Variants in SBF2 observed in about 807,000 individuals in gnomAD.
The protein encoded by SBF2 is SET binding factor 2.
Under a neutral mutation model 225.2 loss-of-function variants are expected in SBF2, and 112 were observed. That is an observed-to-expected ratio of 0.50 (90% CI 0.43 to 0.58). The LOEUF is 0.58. SBF2 is among the 20% of genes least tolerant of loss of function. SBF2 has a pLI of 0.00. For missense variants in SBF2, 1,996 were observed against 2,206.2 expected (o/e 0.90, Z 1.91); for synonymous variants, 763 against 773.3 (o/e 0.99, Z 0.22).
rs918092126 is a variant in SBF2, at chr11:10,119,934, T to G, written c.141+73968A>C. ...GGGCCTTAGAATCAATATTTTAAAT[T>G]TTCTAATTATGGTAAAAACATAAAA... On this transcript the variant is annotated intron_variant, in intron 2 of 39. Coordinates refer to ENST00000256190, the MANE Select transcript of SBF2 (RefSeq NM_030962.4). Among the ~76,000 whole-genome samples the G allele has an allele frequency of 6.6e-5, 10 of 152,306 alleles. No individual in the cohort carries two copies. The South Asian group carries it at 8.3e-4, about 13-fold the overall frequency.
intron 2 of SBF2, among the ~76,000 whole-genome samples, chr11:10,180,669 A>C (rs192004845): frequency 1.3e-5 from 2 of 152,056 alleles, no homozygotes; most frequent in African/African-American, 4.8e-5. Context: ...TTCTACCCCT[A>C]TCTCTCTCTA....
intron 16 of SBF2, among the ~76,000 whole-genome samples, chr11:9,936,192 T>A (rs1162081699): frequency 6.6e-6 from 1 of 152,136 alleles, no homozygotes; most frequent in East Asian, 1.9e-4. Context: ...GCCAACAGAC[T>A]TATGAAAGAA....
intron 2 of SBF2, among the ~76,000 whole-genome samples, chr11:10,084,705 G>T (rs1342040735): frequency 6.6e-6 from 1 of 152,146 alleles, no homozygotes; most frequent in African/African-American, 2.4e-5. Context: ...ACGGATGACT[G>T]GATAAAGAAA....
chr11:10,182,266 G>A (rs575260068), intron 2 of SBF2, among the ~76,000 whole-genome samples: 1 of 152,072 alleles, frequency 6.6e-6, no homozygotes, highest in African/African-American at 2.4e-5. Context: ...CATTCCTTAC[G>A]TACCTTTGAA....
intron 16 of SBF2, among the ~76,000 whole-genome samples, chr11:9,947,076 G>A (rs926206522): frequency 1.6e-4 from 24 of 152,104 alleles, no homozygotes; most frequent in Middle Eastern, 3.2e-3. Flanking sequence ...TTTTGCCAGC[G>A]GTTAATGAGA....
At chr11:9,906,299 A>G (rs571365311) in intron 16 of SBF2, among the ~76,000 whole-genome samples, 11 of 152,338 alleles carry the variant, frequency 7.2e-5, no homozygotes, top group South Asian at 6.2e-4. Context: ...GCAGGGCTTC[A>G]TTTGTAATGA....
chr11:10,293,866 C>T, intron 1 of SBF2, 149 bp downstream of exon 1: 1 of 487,052 alleles, frequency 2.1e-6, no homozygotes, highest in East Asian at 4.0e-5. Context: ...CTCAGCCCAG[C>T]CGAGAAGGCC....
chr11:9,983,881 A>C (rs1210995606), intron 13 of SBF2, among the ~76,000 whole-genome samples: 1 of 152,242 alleles, frequency 6.6e-6, no homozygotes, highest in Non-Finnish European at 1.5e-5. Flanking sequence ...AAAGAGGGAG[A>C]GTACTACACC....
chr11:10,232,924 T>C (rs941762673), intron 1 of SBF2, among the ~76,000 whole-genome samples: 1 of 152,206 alleles, frequency 6.6e-6, no homozygotes, highest in African/African-American at 2.4e-5. Context: ...TTATCTCTGA[T>C]AGGGAGTGAT....
chr11:10,038,924 A>G lies in SBF2; in HGVS notation c.279+3920T>C, dbSNP rs191434936. On this transcript the variant is annotated intron_variant, in intron 3 of 39. Transcript: ENST00000256190. ...TTAAGATAATCAAATGATTATTTAG[A>G]TAAGTAATAAAAGTCAATGTAAATC... Among the ~76,000 whole-genome samples the G allele has an allele frequency of 5.2e-3, 787 of 151,986 alleles. 8 individuals carry two copies. Among genetic ancestry groups the G allele is most frequent in the African/African-American group, 0.018 (751 of 41,552 alleles).
intron 13 of SBF2, among the ~76,000 whole-genome samples, chr11:9,975,233 T>G (rs1486205895): frequency 6.6e-6 from 1 of 152,186 alleles, no homozygotes; most frequent in Non-Finnish European, 1.5e-5. Flanking sequence ...GTGGTTTTAT[T>G]CATTATTGCT....
intron 1 of SBF2, among the ~76,000 whole-genome samples, chr11:10,217,974 A>G (rs1958192732): frequency 6.6e-6 from 1 of 151,896 alleles, no homozygotes; most frequent in South Asian, 2.1e-4. Context: ...ATCTCAGCTC[A>G]CTGCAACCCC....
intron 31 of SBF2, 45 bp downstream of exon 31, chr11:9,808,856 G>T: frequency 7.3e-7 from 1 of 1,363,234 alleles, no homozygotes; most frequent in Non-Finnish European, 1.0e-6. Flanking sequence ...ATGACCAAAT[G>T]GAAATATAAA....
intron 2 of SBF2, among the ~76,000 whole-genome samples, chr11:10,123,388 ATC>A (rs1953574152): frequency 6.6e-6 from 1 of 152,198 alleles, no homozygotes; most frequent in Admixed American, 6.5e-5. Flanking sequence ...GTTCTACTTT[ATC>A]TGTCTTTAAC....
At chr11:10,131,224 TA>T (rs947321062) in intron 2 of SBF2, among the ~76,000 whole-genome samples, 8 of 146,992 alleles carry the variant, frequency 5.4e-5, no homozygotes, top group Non-Finnish European at 4.5e-5. Flanking sequence ...ATATTGCCAC[TA>T]ATTTTTTTTT....
intron 2 of SBF2, among the ~76,000 whole-genome samples, chr11:10,171,199 G>A (rs190054805): frequency 6.6e-6 from 1 of 152,124 alleles, no homozygotes; most frequent in East Asian, 1.9e-4. Flanking sequence ...GTGAAAGTGG[G>A]CATCCTTGTC....
At chr11:10,281,467 A>C (rs958744418) in intron 1 of SBF2, among the ~76,000 whole-genome samples, 12 of 152,232 alleles carry the variant, frequency 7.9e-5, no homozygotes, top group Non-Finnish European at 1.5e-5. Context: ...TATAGCTGTC[A>C]GAAACTTGAA....
intron 16 of SBF2, among the ~76,000 whole-genome samples, chr11:9,925,039 G>A (rs951192124): frequency 6.6e-6 from 1 of 151,966 alleles, no homozygotes; most frequent in Non-Finnish European, 1.5e-5. Context: ...GTGAGCCACC[G>A]CACCTGGCCT....
chr11:9,784,347 T>C lies in SBF2; in HGVS notation c.5319+4A>G. 1 of 1,608,716 alleles carries C rather than the reference T, an allele frequency of 6.2e-7. No individual in the cohort carries two copies. The highest frequency in any genetic ancestry group is 8.5e-7 in the Non-Finnish European group (1 of 1,175,016). On this transcript the variant is annotated splice_donor_region_variant and intron_variant, in intron 38 of 39. Transcript: ENST00000256190. Reference sequence around the variant, plus strand: ...GTAATTTCTTTTGGCTTTAAGAGTATTACCTGATGTTTTGTTACATCCAAA... The same window carrying C: ...GTAATTTCTTTTGGCTTTAAGAGTACTACCTGATGTTTTGTTACATCCAAA...
Sources: allele counts gnomAD v4.1 joint callset (sites outside exome capture counted in the v4.1 genomes callset), GRCh38; gene constraint gnomAD v4.1.1; transcripts MANE v1.5; gene names NCBI Gene and HGNC (gene_info 2026-07-23, HGNC 2026-07-21).